The following MSI2 variants were observed in gnomAD, a reference collection of about 807,000 sequenced individuals.
The protein encoded by MSI2 is RNA-binding protein Musashi homolog 2.
Under a neutral mutation model 45.6 loss-of-function variants are expected in MSI2, and 17 were observed. The ratio of observed to expected loss-of-function variants is 0.37; its 90% confidence interval spans 0.26 to 0.56. The LOEUF is 0.56. Ranked by LOEUF, MSI2 falls within the 20% of genes least tolerant of loss-of-function variation. The pLI is 0.77. For synonymous variants in MSI2, 156 were observed against 158.2 expected, an observed-to-expected ratio of 0.99 and a Z score of 0.11; for missense variants, 293 against 444.2, an observed-to-expected ratio of 0.66 and a Z score of 3.06.
chr17:57,634,449 G>T (rs977525097), intron 10 of MSI2, among the ~76,000 whole-genome samples: 2 of 150,476 alleles, frequency 1.3e-5, no homozygotes, highest in African/African-American at 4.9e-5. Context: ...CTGGGTGACA[G>T]AGTGAGACTC....
chr17:57,648,132 C>CGTGTGTGTGTGTGT (rs765039915), intron 10 of MSI2, among the ~76,000 whole-genome samples: 10 of 116,180 alleles, frequency 8.6e-5, no homozygotes, highest in East Asian at 5.6e-4. Context: ...CTGGCTAATT[C>CGTGTGTGTGTGTGT]GTGTGTGTGT....
chr17:57,333,433 T>C (rs1914428145), intron 5 of MSI2, among the ~76,000 whole-genome samples: 1 of 151,424 alleles, frequency 6.6e-6, no homozygotes, highest in Non-Finnish European at 1.5e-5. Context: ...CCTGCTGTGA[T>C]TTGTACCGTT....
intron 7 of MSI2, among the ~76,000 whole-genome samples, chr17:57,533,568 T>A (rs1356634892): frequency 6.6e-6 from 1 of 152,230 alleles, no homozygotes; most frequent in Non-Finnish European, 1.5e-5. Flanking sequence ...CAAGATGAAT[T>A]CCTTTGCTGT....
chr17:57,669,053 T>G (rs1343350619), intron 11 of MSI2, among the ~76,000 whole-genome samples: 1 of 152,250 alleles, frequency 6.6e-6, no homozygotes, highest in Non-Finnish European at 1.5e-5. Flanking sequence ...GGCAGACTCC[T>G]GAAGTATAAT....
In MSI2 at chr17:57,401,423, G is replaced by T. The variant is rs753720492; in HGVS notation, c.357G>T (p.Ala119=). The change falls in exon 6 of 14, where the codon GCG becomes GCT. Residue 119 remains alanine (A), a synonymous_variant. Coordinates refer to ENST00000284073, the MANE Select transcript of MSI2 (RefSeq NM_138962.4). The part of the protein sequence containing the change: ...TKKIFVGGLS[A]NTVVEDVKQY... ...AAATATTTGTAGGCGGGTTATCTGC[G>T]AACACAGTAGTGGAAGATGTAAAGC... 2.5e-5 allele frequency: 41 copies of T among 1,614,072 alleles called. No individual in the cohort carries two copies. The South Asian group carries it at 4.2e-4, about 16-fold the overall frequency.
the MSI2 span, among the ~76,000 whole-genome samples, chr17:57,691,265 G>C: frequency 6.8e-6 from 1 of 147,122 alleles, no homozygotes; most frequent in African/African-American, 2.5e-5. Context: ...CACTATCTTG[G>C]TTGTATCTTT....
At chr17:57,313,008 G>A (rs1371874009) in intron 5 of MSI2, among the ~76,000 whole-genome samples, 6 of 152,022 alleles carry the variant, frequency 3.9e-5, no homozygotes, top group Non-Finnish European at 8.8e-5. Context: ...CACCATGCCC[G>A]GCTAATTTTT....
intron 10 of MSI2, among the ~76,000 whole-genome samples, chr17:57,647,116 T>C (rs1910720472): frequency 6.6e-6 from 1 of 151,872 alleles, no homozygotes. Flanking sequence ...TTATGAAGGA[T>C]ACCAGACCAC....
intron 6 of MSI2, among the ~76,000 whole-genome samples, chr17:57,496,130 A>G (rs1179561559): frequency 6.6e-6 from 1 of 152,192 alleles, no homozygotes; most frequent in Non-Finnish European, 1.5e-5. Context: ...GGGCTTAATT[A>G]TTGTCGCTTG....
intron 5 of MSI2, among the ~76,000 whole-genome samples, chr17:57,286,243 T>C (rs979918758): frequency 4.6e-5 from 7 of 152,166 alleles, no homozygotes; most frequent in African/African-American, 1.7e-4. Context: ...TTTTTTTTTT[T>C]TTCCTCAGAC....
intron 5 of MSI2, chr17:57,279,549 A>G (rs1158383919): frequency 6.6e-6 from 1 of 152,268 alleles, no homozygotes; most frequent in Admixed American, 6.5e-5. Context: ...AAGCTGGGGA[A>G]TAGCAACTCA....
the MSI2 span, among the ~76,000 whole-genome samples, chr17:57,689,824 G>A: frequency 7.9e-5 from 12 of 152,044 alleles, no homozygotes; most frequent in Admixed American, 2.0e-4. Context: ...CTCAGCATGC[G>A]TTTTCAGATT....
At chr17:57,678,926 C>A (rs1913429528) in intron 13 of MSI2, among the ~76,000 whole-genome samples, 1 of 152,238 alleles carries the variant, frequency 6.6e-6, no homozygotes, top group Non-Finnish European at 1.5e-5. Flanking sequence ...GCCCAGGCCC[C>A]CTACTCCCAG....
chr17:57,520,202 A>G (rs2086555620), intron 6 of MSI2, among the ~76,000 whole-genome samples: 1 of 152,204 alleles, frequency 6.6e-6, no homozygotes, highest in East Asian at 1.9e-4. Context: ...TTTCAGGAGG[A>G]TAGACATTTT....
intron 6 of MSI2, among the ~76,000 whole-genome samples, chr17:57,526,397 G>GTGTGTA: frequency 6.7e-6 from 1 of 149,780 alleles, no homozygotes; most frequent in Non-Finnish European, 1.5e-5. Context: ...GTGTGTGTGT[G>GTGTGTA]TGTGTGTGTG....
chr17:57,478,154 C>T (rs1012748027), intron 6 of MSI2, among the ~76,000 whole-genome samples: 2 of 152,172 alleles, frequency 1.3e-5, no homozygotes, highest in African/African-American at 2.4e-5. Flanking sequence ...ACATTGATGG[C>T]GGGCCCACTG....
chr17:57,537,370 T>A (rs543679245), intron 7 of MSI2, among the ~76,000 whole-genome samples: 1 of 151,580 alleles, frequency 6.6e-6, no homozygotes, highest in South Asian at 2.1e-4. Context: ...AAGGAGGGGG[T>A]GGGATAAAGA....
chr17:57,325,858 C>G (rs1913744283), intron 5 of MSI2, among the ~76,000 whole-genome samples: 2 of 152,128 alleles, frequency 1.3e-5, no homozygotes, highest in Admixed American at 6.5e-5. Context: ...TGGGATCTGC[C>G]CCGGCCTCAT....
chr17:57,314,188 C>A (rs1473577257), intron 5 of MSI2, among the ~76,000 whole-genome samples: 1 of 152,118 alleles, frequency 6.6e-6, no homozygotes, highest in Non-Finnish European at 1.5e-5. Context: ...CCCAGATTTC[C>A]TCAAGGACAC....
Sources: allele counts gnomAD v4.1 joint callset (sites outside exome capture counted in the v4.1 genomes callset), GRCh38; gene constraint gnomAD v4.1.1; transcripts MANE v1.5; gene names NCBI Gene and HGNC (gene_info 2026-07-23, HGNC 2026-07-21).